Variants in PHF20 observed in about 807,000 individuals in gnomAD.
The protein encoded by PHF20 is PHD finger protein 20.
Under a neutral mutation model 113.5 loss-of-function variants are expected in PHF20, and 23 were observed. The observed-to-expected ratio is 0.20, with a 90% CI of 0.15 to 0.29. The LOEUF is 0.29. Ranked by LOEUF, PHF20 falls within the 10% of genes least tolerant of loss-of-function variation. The probability of loss-of-function intolerance (pLI) is 1.00; values close to 1 mark genes in which losing one functional copy is unlikely to be tolerated. For synonymous variants in PHF20, 434 were observed against 457.3 expected, an observed-to-expected ratio of 0.95 and a Z score of 0.65; for missense variants, 943 against 1,219.6, an observed-to-expected ratio of 0.77 and a Z score of 3.38.
rs554100863 is a variant in PHF20, at chr20:35,850,296, G to GTT, written c.340+2890_340+2891dup. On this transcript the variant is annotated intron_variant, in intron 4 of 17. Coordinates refer to ENST00000374012, the MANE Select transcript of PHF20 (RefSeq NM_016436.5). ...CTGGGGCTGCTTAGCTTCCCCCTCC[G>GTT]TTTTTTTTTTTTTTTTTTTTTTTTT... Among the ~76,000 whole-genome samples the GTT allele has an allele frequency of 4.9e-3, 304 of 62,352 alleles. 59 individuals are homozygous for GTT. Among genetic ancestry groups the GTT allele is most frequent in the Non-Finnish European group, 8.1e-3 (246 of 30,364 alleles). The allele number at this position is 62,352 out of a possible 152,430, so 40.9% of individuals were successfully genotyped here.
At chr20:35,776,649 C>T (rs1027294889) in intron 1 of PHF20, among the ~76,000 whole-genome samples, 1 of 152,202 alleles carries the variant, frequency 6.6e-6, no homozygotes, top group African/African-American at 2.4e-5. Flanking sequence ...GTTGCCAGCC[C>T]TAATCAGGAC....
intron 5 of PHF20, among the ~76,000 whole-genome samples, chr20:35,861,262 A>G (rs1403904241): frequency 6.6e-6 from 1 of 152,074 alleles, no homozygotes; most frequent in East Asian, 1.9e-4. Context: ...AGAAAAATAT[A>G]TAAGTACAAA....
chr20:35,915,544 G>A (rs960622098), intron 12 of PHF20, among the ~76,000 whole-genome samples: 1 of 151,614 alleles, frequency 6.6e-6, no homozygotes, highest in Non-Finnish European at 1.5e-5. Flanking sequence ...ACGCCACCAC[G>A]CCTGGCTAAT....
chr20:35,911,405 A>G (rs1461346657), intron 10 of PHF20, among the ~76,000 whole-genome samples: 1 of 152,164 alleles, frequency 6.6e-6, no homozygotes, highest in African/African-American at 2.4e-5. Context: ...AATTATTTGT[A>G]CATTCACTTG....
chr20:35,844,415 T>G (rs1229311541), intron 3 of PHF20, among the ~76,000 whole-genome samples: 1 of 133,386 alleles, frequency 7.5e-6, no homozygotes, highest in South Asian at 2.4e-4. Flanking sequence ...TTTTTTTTTT[T>G]GGTTTTTTTT....
chr20:35,829,850 G>C (rs1568622205), intron 2 of PHF20, among the ~76,000 whole-genome samples: 1 of 144,394 alleles, frequency 6.9e-6, no homozygotes, highest in African/African-American at 2.9e-5. Flanking sequence ...CAATCTTCCT[G>C]CCTTGGCCTC....
In PHF20 at chr20:35,938,837, G is replaced by A; in HGVS notation, c.2441G>A (p.Gly814Glu). 6.2e-7 allele frequency: 1 copy of A among 1,614,130 alleles called. No homozygotes were observed. The highest frequency in any genetic ancestry group is 8.5e-7 in the Non-Finnish European group (1 of 1,179,992). ...EEAPSYRTLN[G>E]AVEKPRPLAL... The stretch of plus-strand genomic sequence containing the variant: ...GCTCCAAGCTATAGAACTTTGAACG[G>A]GGCAGTGGAGAAGCCCAGGCCCCTG... Residue 814 changes from glycine (G) to glutamate (E), a missense_variant, in exon 16 of 18, where the codon GGG (glycine) becomes GAG (glutamate). Physicochemically the swap from Gly to Glu is moderately conservative, Grantham distance 98 (BLOSUM62 -2). Around this residue, in one of 3 missense-constraint regions of PHF20, gnomAD observed 349 missense variants for 412.3 expected, o/e 0.85. Coordinates refer to ENST00000374012, the MANE Select transcript of PHF20 (RefSeq NM_016436.5).
intron 1 of PHF20, among the ~76,000 whole-genome samples, chr20:35,792,850 A>C (rs988288848): frequency 1.3e-5 from 2 of 152,088 alleles, no homozygotes; most frequent in East Asian, 3.8e-4. Context: ...TATTCTTCAC[A>C]ACAACCCTAG....
chr20:35,917,249 T>G, intron 12 of PHF20: 1 of 612,844 alleles, frequency 1.6e-6, no homozygotes, highest in Non-Finnish European at 3.1e-6. Context: ...CCGTTGGGCT[T>G]CATTCTCTCA....
rs557496099 is a variant in PHF20, at chr20:35,889,257, G to T, written c.1283-10113G>T. 2.0e-5 allele frequency among the ~76,000 whole-genome samples: 3 copies of T among 151,904 alleles called. No homozygotes were observed. In the South Asian group the frequency reaches 6.2e-4, roughly 32 times the overall value. On this transcript the variant is annotated intron_variant, in intron 9 of 17. Transcript: ENST00000374012. ...TCTCGAACTCCTGACTTTGTGATTC[G>T]CCCACCTTGTCCTCCCAACGTGCTG...
chr20:35,946,508 G>GT (rs752629258), intron 17 of PHF20, among the ~76,000 whole-genome samples: 79 of 151,886 alleles, frequency 5.2e-4, no homozygotes, highest in Non-Finnish European at 1.1e-3. Flanking sequence ...TGATGATTGC[G>GT]TATCAATCAG....
intron 12 of PHF20, chr20:35,917,203 T>C (rs1019857132): frequency 5.1e-5 from 25 of 492,366 alleles, no homozygotes; most frequent in Non-Finnish European, 8.3e-5. Flanking sequence ...TTGTAGCTCC[T>C]CTGCCACTGA....
chr20:35,775,735 C>A (rs1164201769), intron 1 of PHF20, among the ~76,000 whole-genome samples: 7 of 114,908 alleles, frequency 6.1e-5, no homozygotes, highest in Non-Finnish European at 1.1e-4. Context: ...GCCTGGGCCA[C>A]AGAGTGAGAC....
At chr20:35,927,737 C>T in intron 13 of PHF20, 43 bp from the exon 14 acceptor site, 1 of 1,476,560 alleles carries the variant, frequency 6.8e-7, no homozygotes, top group South Asian at 1.1e-5. Flanking sequence ...GGATGGAGAA[C>T]ACCTTCTGAG....
At chr20:35,801,759 G>A (rs1265198467) in intron 2 of PHF20, 154 bp downstream of exon 2, 1 of 573,140 alleles carries the variant, frequency 1.7e-6, no homozygotes, top group African/African-American at 1.9e-5. Flanking sequence ...TTTGATGCAG[G>A]GATCCCAGTG....
intron 4 of PHF20, among the ~76,000 whole-genome samples, chr20:35,850,338 T>C (rs1349815353): frequency 7.6e-6 from 1 of 131,988 alleles, no homozygotes; most frequent in Admixed American, 7.7e-5. Context: ...TGACAGAATC[T>C]TGCTCTGTTG....
intron 1 of PHF20, among the ~76,000 whole-genome samples, 192 bp downstream of exon 1, chr20:35,772,271 G>C (rs1272128189): frequency 2.0e-5 from 3 of 151,704 alleles, no homozygotes; most frequent in Admixed American, 6.6e-5. Flanking sequence ...AGAGCGTGGC[G>C]GGCGTGCGAG....
intron 2 of PHF20, among the ~76,000 whole-genome samples, chr20:35,803,710 A>G (rs1017594549): frequency 6.9e-6 from 1 of 145,014 alleles, no homozygotes; most frequent in Non-Finnish European, 1.5e-5. Context: ...GTGTGTATAT[A>G]TATAATATAC....
chr20:35,781,702 C>T (rs969798213), intron 1 of PHF20, among the ~76,000 whole-genome samples: 9 of 151,980 alleles, frequency 5.9e-5, no homozygotes, highest in South Asian at 2.1e-4. Context: ...CCCAGCACTT[C>T]GGGAGGCTGA....
Sources: allele counts gnomAD v4.1 joint callset (sites outside exome capture counted in the v4.1 genomes callset), GRCh38; gene constraint gnomAD v4.1.1; regional missense constraint gnomAD v4.1.1; transcripts MANE v1.5; gene names NCBI Gene and HGNC (gene_info 2026-07-23, HGNC 2026-07-21).